CSMD1: variants seen among roughly 807,000 people sequenced by gnomAD.
The protein encoded by CSMD1 is CUB and Sushi multiple domains 1, also known as CUB and sushi domain-containing protein 1.
In CSMD1, 213 loss-of-function variants were observed where a neutral mutation model predicts 417.5. That is an observed-to-expected ratio of 0.51 (90% CI 0.46 to 0.57). CSMD1 has a LOEUF of 0.57. Among genes scored for constraint, CSMD1 ranks in the 20% least tolerant of loss-of-function variants. CSMD1 has a pLI of 0.00. For synonymous variants in CSMD1, 2,862 were observed against 1,736.8 expected (o/e 1.65, Z -16.11); for missense variants, 6,923 against 4,529.7 (o/e 1.53, Z -15.17).
chr8:4,045,418 G>C (rs1333597127), intron 3 of CSMD1, among the ~76,000 whole-genome samples: 2 of 152,290 alleles, frequency 1.3e-5, no homozygotes, highest in Non-Finnish European at 2.9e-5. Flanking sequence ...ATGACAAGTG[G>C]CCACAGCAGT....
In CSMD1 at chr8:3,751,730, C is replaced by A. The variant is rs190779902; in HGVS notation, c.931+2200G>T. On this transcript the variant is annotated intron_variant, in intron 6 of 69. Transcript: ENST00000635120. ...GTTTCTTATATCTACCATCTTGGAGCAGCTTCAAAGTTGATATTCCATTTT... is the reference window on the plus strand; with the variant it reads ...GTTTCTTATATCTACCATCTTGGAGAAGCTTCAAAGTTGATATTCCATTTT... Among the ~76,000 whole-genome samples the A allele has an allele frequency of 2.5e-3, 384 of 152,066 alleles. 2 individuals carry two copies. The highest frequency in any genetic ancestry group is 5.4e-3 in the South Asian group (26 of 4,800).
chr8:4,264,543 C>A (rs149913473), intron 3 of CSMD1, among the ~76,000 whole-genome samples: 1 of 152,252 alleles, frequency 6.6e-6, no homozygotes, highest in East Asian at 1.9e-4. Context: ...ACTTAAAGCC[C>A]TGTTTTTAAG....
At chr8:3,174,805 A>C (rs1256943201) in intron 37 of CSMD1, among the ~76,000 whole-genome samples, 5 of 152,032 alleles carry the variant, frequency 3.3e-5, no homozygotes, top group Non-Finnish European at 5.9e-5. Flanking sequence ...TTTTCCATTA[A>C]ATTTTTTTTT....
In CSMD1 at chr8:4,475,109, G is replaced by A. The variant is rs559115306; in HGVS notation, c.303-55044C>T. 2.0e-5 allele frequency among the ~76,000 whole-genome samples: 3 copies of A among 152,278 alleles called. No individual in the cohort carries two copies. The South Asian group carries it at 6.2e-4, about 32-fold the overall frequency. On this transcript the variant is annotated intron_variant, in intron 2 of 69. Transcript: ENST00000635120. ...TTTTAAGCATTTGAAAAATGGATAT[G>A]TGTTTTAGGATGCTTTATTATGTTT...
At chr8:3,918,475 G>A (rs1221299453) in intron 5 of CSMD1, among the ~76,000 whole-genome samples, 3 of 151,992 alleles carry the variant, frequency 2.0e-5, no homozygotes, top group South Asian at 2.1e-4. Flanking sequence ...TATACCTGTT[G>A]GACGTTTGTA....
At chr8:3,324,403 G>C (rs79727715) in intron 23 of CSMD1, among the ~76,000 whole-genome samples, 6,660 of 123,564 alleles carry the variant, frequency 0.054, 314 homozygotes, top group East Asian at 0.25. Context: ...CCCTACCTTT[G>C]GTCACTGTTA....
chr8:4,052,920 C>T (rs749838480), intron 3 of CSMD1, among the ~76,000 whole-genome samples: 2 of 152,094 alleles, frequency 1.3e-5, no homozygotes, highest in Admixed American at 6.5e-5. Context: ...GAACTAGGCG[C>T]AGAGAGAAGT....
At chr8:2,975,562 C>G (rs1424680564) in intron 55 of CSMD1, among the ~76,000 whole-genome samples, 1 of 152,168 alleles carries the variant, frequency 6.6e-6, no homozygotes, top group Admixed American at 6.5e-5. Context: ...CACTTTCTGT[C>G]TTACATGGAC....
chr8:3,885,699 T>G (rs1052092848), intron 5 of CSMD1, among the ~76,000 whole-genome samples: 11 of 152,276 alleles, frequency 7.2e-5, no homozygotes, highest in Middle Eastern at 3.4e-3. Flanking sequence ...AATGCACGTG[T>G]GAGCTCATGA....
chr8:4,176,319 T>G (rs1798039493), intron 3 of CSMD1, among the ~76,000 whole-genome samples: 2 of 152,176 alleles, frequency 1.3e-5, no homozygotes, highest in South Asian at 4.1e-4. Flanking sequence ...CTATATTGTT[T>G]GCTGACGTCA....
intron 6 of CSMD1, among the ~76,000 whole-genome samples, chr8:3,729,296 G>A (rs17067182): frequency 0.2 from 30,671 of 152,088 alleles, 3,871 homozygotes; most frequent in Admixed American, 0.28. Context: ...CACAGGGCTC[G>A]TGCAGGGCAG....
At chr8:3,991,468 C>T (rs531666715) in intron 5 of CSMD1, among the ~76,000 whole-genome samples, 1 of 152,070 alleles carries the variant, frequency 6.6e-6, no homozygotes, top group Non-Finnish European at 1.5e-5. Flanking sequence ...CTCTTAGAAG[C>T]CTGATAATAT....
At chr8:4,440,607 G>A (rs968041027) in intron 2 of CSMD1, among the ~76,000 whole-genome samples, 1 of 152,298 alleles carries the variant, frequency 6.6e-6, no homozygotes, top group Admixed American at 6.5e-5. Context: ...TCTCTGGAAA[G>A]ATAGGTAGTA....
chr8:3,482,407 A>G (rs1051270320), intron 11 of CSMD1, among the ~76,000 whole-genome samples: 1 of 152,208 alleles, frequency 6.6e-6, no homozygotes, highest in Admixed American at 6.5e-5. Context: ...TAAGGCAAAT[A>G]AAAGTATCAG....
rs192208581 is a variant in CSMD1, at chr8:3,935,624, G to A, written c.818+62279C>T. ...GTTGTAACTATTGTAATTGTTTGGG[G>A]GCCCCATATGTGTCCATATAAGTGG... On this transcript the variant is annotated intron_variant, in intron 5 of 69. Coordinates refer to ENST00000635120, the MANE Select transcript of CSMD1 (RefSeq NM_033225.6). Among the ~76,000 whole-genome samples, 107 of 152,094 alleles carry A rather than the reference G, an allele frequency of 7.0e-4. 1 individual carries two copies. The highest frequency in any genetic ancestry group is 1.2e-3 in the Non-Finnish European group (83 of 67,988).
At chr8:3,940,739 G>C (rs1585003652) in intron 5 of CSMD1, among the ~76,000 whole-genome samples, 1 of 150,758 alleles carries the variant, frequency 6.6e-6, no homozygotes, top group African/African-American at 2.4e-5. Flanking sequence ...TTTTAAAGTA[G>C]CTTATTTTTC....
intron 3 of CSMD1, among the ~76,000 whole-genome samples, chr8:4,120,461 G>C (rs952723809): frequency 6.6e-6 from 1 of 152,152 alleles, no homozygotes; most frequent in Non-Finnish European, 1.5e-5. Context: ...ATCCCTGCCA[G>C]TCACTTCTCA....
At chr8:4,522,638 T>C (rs1446487742) in intron 2 of CSMD1, among the ~76,000 whole-genome samples, 1 of 152,158 alleles carries the variant, frequency 6.6e-6, no homozygotes, top group Non-Finnish European at 1.5e-5. Flanking sequence ...TTTCTGACTA[T>C]AGGTTCGGAT....
intron 5 of CSMD1, among the ~76,000 whole-genome samples, chr8:3,947,507 A>C (rs529430585): frequency 4.6e-5 from 7 of 152,164 alleles, no homozygotes; most frequent in African/African-American, 1.4e-4. Flanking sequence ...TGTACTTCAT[A>C]TTTGGAAATT....
Sources: allele counts gnomAD v4.1 joint callset (sites outside exome capture counted in the v4.1 genomes callset), GRCh38; gene constraint gnomAD v4.1.1; transcripts MANE v1.5; gene names NCBI Gene and HGNC (gene_info 2026-07-23, HGNC 2026-07-21).